Variants in RAPGEF5 observed in about 807,000 individuals in gnomAD.
The protein encoded by RAPGEF5 is Rap guanine nucleotide exchange factor 5, also known as M-Ras-regulated GEF.
RAPGEF5 carries 65 observed loss-of-function variants against 125.2 expected under a neutral mutation model. The ratio of observed to expected loss-of-function variants is 0.52; its 90% CI spans 0.43 to 0.64. The LOEUF is 0.64. Ranked by LOEUF, RAPGEF5 falls within the 30% of genes least tolerant of loss-of-function variation. The pLI is 0.00. For synonymous variants in RAPGEF5, 391 were observed against 385.9 expected (o/e 1.01, Z -0.16); for missense variants, 958 against 1,048.1 (o/e 0.91, Z 1.19).
chr7:22,224,187 C>T (rs1785858264), intron 8 of RAPGEF5, among the ~76,000 whole-genome samples: 1 of 152,134 alleles, frequency 6.6e-6, no homozygotes, highest in African/African-American at 2.4e-5. Flanking sequence ...CCTAGCCATC[C>T]TCCTTAGGGC....
Position 22,157,767 on chromosome 7 carries a change from T to G in RAPGEF5, c.1557+88A>C, listed in dbSNP as rs1169994126. On this transcript the variant is annotated intron_variant, in intron 15 of 25. Transcript: ENST00000665637. ...TGTCGTGTTCTGCTCGAGGCAGTAT[T>G]CATTTTAATTATGAAACACGCCAAG... 5.0e-6 allele frequency: 7 copies of G among 1,399,584 alleles called. No homozygotes were observed. The East Asian group carries it at 1.6e-4, about 32-fold the overall frequency. 86.7% of individuals were successfully genotyped at this position (1,399,584 alleles called of 1,614,324 possible).
At chr7:22,338,230 G>A (rs569711324) in intron 1 of RAPGEF5, among the ~76,000 whole-genome samples, 7 of 152,230 alleles carry the variant, frequency 4.6e-5, no homozygotes, top group African/African-American at 9.6e-5. Context: ...TACCTGTTAC[G>A]CAGCACATAA....
chr7:22,256,463 C>A (rs866772989), intron 7 of RAPGEF5, among the ~76,000 whole-genome samples: 10 of 152,282 alleles, frequency 6.6e-5, no homozygotes, highest in Middle Eastern at 3.4e-3. Flanking sequence ...CCAGCCCCTG[C>A]AAGATACAAA....
chr7:22,178,576 T>C (rs1192644851), intron 11 of RAPGEF5, among the ~76,000 whole-genome samples: 1 of 152,168 alleles, frequency 6.6e-6, no homozygotes, highest in African/African-American at 2.4e-5. Flanking sequence ...CTTACTGCTT[T>C]ATTATAAAGG....
chr7:22,194,121 G>A, intron 9 of RAPGEF5, 88 bp from the exon 10 acceptor site: 2 of 1,140,658 alleles, frequency 1.8e-6, no homozygotes, highest in East Asian at 2.4e-5. Context: ...AACTCAAGCT[G>A]TATTTTCTAG....
chr7:22,297,252 G>A (rs1783083510), intron 5 of RAPGEF5, among the ~76,000 whole-genome samples: 1 of 152,162 alleles, frequency 6.6e-6, no homozygotes, highest in South Asian at 2.1e-4. Flanking sequence ...GCAGAGATGG[G>A]ATCAGTGCAC....
chr7:22,184,164 T>C (rs116717212), intron 11 of RAPGEF5, among the ~76,000 whole-genome samples: 2,250 of 152,318 alleles, frequency 0.015, 54 homozygotes, highest in African/African-American at 0.052. Context: ...TTACCCAATG[T>C]CTTATTTTCT....
chr7:22,194,600 C>G (rs1785102739), intron 9 of RAPGEF5: 1 of 984,004 alleles, frequency 1.0e-6, no homozygotes, highest in Non-Finnish European at 1.2e-6. Context: ...TTTTTTCAGA[C>G]TTGAGATGGC....
chr7:22,236,660 C>A (rs922782449), intron 7 of RAPGEF5, among the ~76,000 whole-genome samples: 1 of 152,186 alleles, frequency 6.6e-6, no homozygotes, highest in Non-Finnish European at 1.5e-5. Context: ...GCCATGGTCA[C>A]ATCTCATGTA....
chr7:22,249,746 C>T (rs903601205), intron 7 of RAPGEF5, among the ~76,000 whole-genome samples: 36 of 152,222 alleles, frequency 2.4e-4, no homozygotes, highest in African/African-American at 7.9e-4. Context: ...CACCAAACAC[C>T]GTTTATAAAA....
intron 5 of RAPGEF5, among the ~76,000 whole-genome samples, chr7:22,297,200 G>C (rs1218862764): frequency 6.6e-6 from 1 of 152,070 alleles, no homozygotes; most frequent in Non-Finnish European, 1.5e-5. Context: ...GATGAAGCAG[G>C]AAAAAAATGA....
intron 10 of RAPGEF5, 69 bp downstream of exon 10, chr7:22,193,846 G>A: frequency 6.2e-7 from 1 of 1,611,752 alleles, no homozygotes; most frequent in Non-Finnish European, 8.5e-7. Flanking sequence ...GATGGAGCAA[G>A]GGAAGGGAAG....
Position 22,288,861 on chromosome 7 carries a change from A to C in RAPGEF5, c.747+2314T>G, listed in dbSNP as rs137937497. Among the ~76,000 whole-genome samples, 594 of 152,278 alleles carry C rather than the reference A, an allele frequency of 3.9e-3. 5 individuals carry two copies. Among genetic ancestry groups the C allele is most frequent in the Non-Finnish European group, 6.2e-3 (422 of 68,008 alleles). ...CCTCTAACCAATCTCCCTATCTTCAACTTATCTTCACTCTTGAACATCTAT... is the reference window on the plus strand; with the variant it reads ...CCTCTAACCAATCTCCCTATCTTCACCTTATCTTCACTCTTGAACATCTAT... On this transcript the variant is annotated intron_variant, in intron 6 of 25. Coordinates refer to ENST00000665637, the MANE Select transcript of RAPGEF5 (RefSeq NM_012294.5).
At chr7:22,182,387 C>T (rs532465440) in intron 11 of RAPGEF5, among the ~76,000 whole-genome samples, 63 of 152,108 alleles carry the variant, frequency 4.1e-4, no homozygotes, top group Non-Finnish European at 5.3e-4. Flanking sequence ...GCTAAAATTA[C>T]TAGGTTGTCA....
chr7:22,193,740 C>T, intron 10 of RAPGEF5, 175 bp downstream of exon 10: 1 of 1,559,716 alleles, frequency 6.4e-7, no homozygotes, highest in Non-Finnish European at 8.7e-7. Flanking sequence ...GGAACTGAGT[C>T]CATCTGGCTG....
intron 7 of RAPGEF5, among the ~76,000 whole-genome samples, chr7:22,234,524 T>C (rs1403798466): frequency 6.6e-6 from 1 of 152,200 alleles, no homozygotes; most frequent in African/African-American, 2.4e-5. Flanking sequence ...GTAATGGCCT[T>C]TGAAAATAAC....
At chr7:22,220,936 G>C (rs868511934) in intron 8 of RAPGEF5, among the ~76,000 whole-genome samples, 1 of 152,124 alleles carries the variant, frequency 6.6e-6, no homozygotes, top group East Asian at 1.9e-4. Context: ...AAAGGGGCCG[G>C]CAAAGAATCC....
chr7:22,268,559 T>C (rs1166143328), intron 6 of RAPGEF5, among the ~76,000 whole-genome samples: 1 of 152,200 alleles, frequency 6.6e-6, no homozygotes, highest in Non-Finnish European at 1.5e-5. Flanking sequence ...GTGTCACAAA[T>C]ATTTGGAGTT....
At chr7:22,335,703 A>C (rs1057222514) in intron 1 of RAPGEF5, among the ~76,000 whole-genome samples, 6 of 105,092 alleles carry the variant, frequency 5.7e-5, no homozygotes, top group African/African-American at 1.8e-4. Context: ...AAAAAAAAAA[A>C]ACAACAAAAC....
Sources: gnomAD v4.1 joint callset for allele counts (sites outside exome capture counted in the v4.1 genomes callset) on GRCh38, gnomAD v4.1.1 for gene constraint, MANE v1.5 for transcripts, NCBI Gene and HGNC (gene_info 2026-07-23, HGNC 2026-07-21) for gene names.